The following PRUNE2 variants were observed in gnomAD, a reference collection of about 807,000 sequenced individuals.
The protein encoded by PRUNE2 is protein prune homolog 2.
A neutral mutation model predicts 252.0 loss-of-function variants in PRUNE2; 164 were observed. That is an observed-to-expected ratio of 0.65 (90% CI 0.57 to 0.74). The LOEUF (loss-of-function observed/expected upper bound fraction) is 0.74, where lower values mean the gene tolerates loss of function less well. Among genes scored for constraint, PRUNE2 ranks in the 30% least tolerant of loss-of-function variants. PRUNE2 has a pLI of 0.00. For missense variants in PRUNE2, 3,495 were observed against 3,711.0 expected (o/e 0.94, Z 1.51); for synonymous variants, 1,292 against 1,350.2 (o/e 0.96, Z 0.94).
At position 76,705,903 on chromosome 9, in the gene PRUNE2, C is replaced by G; in HGVS notation, c.6371G>C (p.Cys2124Ser). 1 of 1,613,928 alleles carries G rather than the reference C, an allele frequency of 6.2e-7. No individual in the cohort carries two copies. ...KQETEKHLSA[C>S]MGPEVESSEL... is the part of the protein sequence containing the mutation. ...ACTGGATTCCACTTCAGGTCCCATG[C>G]AAGCACTGAGGTGCTTCTCAGTCTC... The change falls in exon 8 of 19, where the codon TGC becomes TCC. Residue 2124 changes from cysteine to serine, a missense_variant. Physicochemically the swap from Cys to Ser is moderately radical, Grantham distance 112. Transcript: ENST00000376718.
At chr9:76,886,040 G>A (rs1239862299) in intron 1 of PRUNE2, among the ~76,000 whole-genome samples, 2 of 151,536 alleles carry the variant, frequency 1.3e-5, no homozygotes, top group Non-Finnish European at 2.9e-5. Context: ...AAAAAAATTA[G>A]CTGGGCATGG....
chr9:76,688,565 C>G (rs1388530587), intron 9 of PRUNE2, among the ~76,000 whole-genome samples: 1 of 152,172 alleles, frequency 6.6e-6, no homozygotes, highest in Non-Finnish European at 1.5e-5. Context: ...TGCCCTCTAG[C>G]TTTCTTCCGT....
intron 9 of PRUNE2, among the ~76,000 whole-genome samples, chr9:76,702,339 T>C (rs2045949163): frequency 6.6e-6 from 1 of 152,186 alleles, no homozygotes; most frequent in African/African-American, 2.4e-5. Context: ...ATTACAGGTA[T>C]GAACCACCGC....
chr9:76,685,195 G>T (rs476612), intron 9 of PRUNE2, among the ~76,000 whole-genome samples: 115,175 of 152,154 alleles, frequency 0.76, 48,200 homozygotes, highest in Non-Finnish European at 0.92. Flanking sequence ...TCTATTATAT[G>T]ATTACATCTA....
chr9:76,792,019 A>C lies in PRUNE2; in HGVS notation c.756+31613T>G, dbSNP rs190617834. ...CAAGGAGGGTCTGAGAAAGTAGACA[A>C]CATCAGTGTTTCCTGTGCCTTTGTG... On this transcript the variant is annotated intron_variant, in intron 6 of 18. Transcript: ENST00000376718. 3.3e-5 allele frequency among the ~76,000 whole-genome samples: 5 copies of C among 152,246 alleles called. No homozygotes were observed. In the East Asian group the frequency reaches 9.7e-4, roughly 29 times the overall value.
chr9:76,818,122 C>A (rs1055874538), intron 6 of PRUNE2, among the ~76,000 whole-genome samples: 4 of 152,132 alleles, frequency 2.6e-5, no homozygotes, highest in African/African-American at 9.7e-5. Flanking sequence ...TGGTTCAAGA[C>A]CAGTTCAAAA....
intron 1 of PRUNE2, among the ~76,000 whole-genome samples, chr9:76,859,768 G>T (rs2060452207): frequency 6.6e-6 from 1 of 152,060 alleles, no homozygotes; most frequent in South Asian, 2.1e-4. Context: ...GAGTGCAATG[G>T]CATGATTTCG....
At chr9:76,686,311 T>C (rs2044082874) in intron 9 of PRUNE2, among the ~76,000 whole-genome samples, 1 of 152,166 alleles carries the variant, frequency 6.6e-6, no homozygotes, top group South Asian at 2.1e-4. Flanking sequence ...TAGATGAAAG[T>C]ACTGGAAAAT....
intron 4 of PRUNE2, among the ~76,000 whole-genome samples, chr9:76,827,466 C>G (rs1382019102): frequency 6.6e-6 from 1 of 152,094 alleles, no homozygotes; most frequent in African/African-American, 2.4e-5. Context: ...CTTACTCTTC[C>G]CTGCATTCCA....
intron 3 of PRUNE2, among the ~76,000 whole-genome samples, chr9:76,849,603 A>G (rs2059847061): frequency 6.6e-6 from 1 of 152,160 alleles, no homozygotes; most frequent in South Asian, 2.1e-4. Flanking sequence ...AGGTGGACGG[A>G]TCACTTGAGG....
chr9:76,643,753 G>A (rs1374902030), intron 12 of PRUNE2, among the ~76,000 whole-genome samples: 1 of 152,240 alleles, frequency 6.6e-6, no homozygotes, highest in Admixed American at 6.5e-5. Flanking sequence ...TTATGTGGGG[G>A]TAGCAATGTA....
intron 6 of PRUNE2, among the ~76,000 whole-genome samples, chr9:76,756,660 G>A (rs1183456135): frequency 1.3e-5 from 2 of 152,232 alleles, no homozygotes; most frequent in Non-Finnish European, 2.9e-5. Context: ...CCTGAGTCTG[G>A]AAAAGGTACT....
chr9:76,704,099 C>T lies in PRUNE2; in HGVS notation c.7514G>A (p.Gly2505Asp), dbSNP rs1438396225. Residue 2505 changes from glycine (G) to aspartate (D), a missense_variant and splice_region_variant, in exon 9 of 19, where the codon GGT (glycine) becomes GAT (aspartate). Coordinates refer to ENST00000376718, the MANE Select transcript of PRUNE2 (RefSeq NM_015225.3). ...CAATTCTGATATTTCCTTGCTGGCA[C>T]CTAGAAGTGGAAGTTGAAAGTGAGA... is the stretch of plus-strand genomic sequence containing the variant. ...PAGGDIGPPN[G>D]ASKEISELEE... 1.9e-6 allele frequency: 3 copies of T among 1,572,624 alleles called. No individual in the cohort carries two copies. The East Asian group carries it at 6.7e-5, about 35-fold the overall frequency.
intron 1 of PRUNE2, among the ~76,000 whole-genome samples, chr9:76,894,207 T>C (rs1186112487): frequency 6.6e-6 from 1 of 152,204 alleles, no homozygotes; most frequent in Admixed American, 6.5e-5. Context: ...CACCCTTCCT[T>C]GCAAGAATCC....
At chr9:76,669,618 C>G (rs539109512) in intron 9 of PRUNE2, among the ~76,000 whole-genome samples, 1 of 152,336 alleles carries the variant, frequency 6.6e-6, no homozygotes, top group East Asian at 1.9e-4. Context: ...CCATGCCCAG[C>G]CTCGAATGTT....
At chr9:76,728,716 C>T (rs2048325793) in intron 6 of PRUNE2, among the ~76,000 whole-genome samples, 1 of 152,202 alleles carries the variant, frequency 6.6e-6, no homozygotes, top group Non-Finnish European at 1.5e-5. Context: ...AAAGAATAGG[C>T]TTTGGAATAC....
Position 76,708,541 on chromosome 9 carries a change from G to T in PRUNE2, c.3733C>A (p.Gln1245Lys), listed in dbSNP as rs754835474. Residue 1245 changes from glutamine to lysine, a missense_variant, in exon 8 of 19, where the codon CAA becomes AAA. Physicochemically the swap from Gln to Lys is moderately conservative, Grantham distance 53 (BLOSUM62 1). Transcript: ENST00000376718. ...GGGATTTCAGGAGGCAATTCCCTTT[G>T]CTCTGAATCTGTGATATGTGAGGAG... ...PGSSHITDSEQRELPPEIPSH... is the reference protein window; with the variant it reads ...PGSSHITDSEKRELPPEIPSH... The T allele has an allele frequency of 6.2e-7, 1 of 1,613,914 alleles. No homozygotes were observed. Among genetic ancestry groups the T allele is most frequent in the Non-Finnish European group, 8.5e-7 (1 of 1,179,880 alleles).
At chr9:76,808,831 C>T (rs1026441962) in intron 6 of PRUNE2, 1 of 152,432 alleles carries the variant, frequency 6.6e-6, no homozygotes, top group Non-Finnish European at 1.5e-5. Context: ...CACAGCCTGT[C>T]GTACATTGCT....
At chr9:76,788,574 C>T in intron 6 of PRUNE2, 1 of 712,758 alleles carries the variant, frequency 1.4e-6, no homozygotes, top group Admixed American at 2.0e-5. Context: ...CAGTGTGTGG[C>T]AAGTATTGAA....
Sources: gnomAD v4.1 joint callset for allele counts (sites outside exome capture counted in the v4.1 genomes callset) on GRCh38, gnomAD v4.1.1 for gene constraint, MANE v1.5 for transcripts, NCBI Gene and HGNC (gene_info 2026-07-23, HGNC 2026-07-21) for gene names.